PMS2: variants seen among roughly 807,000 people sequenced by gnomAD.
PMS2 encodes mismatch repair endonuclease PMS2.
Under a neutral mutation model 90.0 loss-of-function variants are expected in PMS2, and 69 were observed. The observed-to-expected ratio is 0.77, with a 90% CI of 0.63 to 0.94. The LOEUF is 0.94. Ranked by LOEUF, PMS2 falls within the 40% of genes least tolerant of loss-of-function variation. The pLI, the probability that PMS2 is intolerant of heterozygous loss-of-function variation, is 0.00. For missense variants in PMS2, 966 were observed against 1,040.2 expected (o/e 0.93, Z 0.98); for synonymous variants, 332 against 375.1 (o/e 0.89, Z 1.33).
rs1448706115 is a variant in PMS2 at position 5,995,648 on chromosome 7, T to C, written c.804-15A>G. 1.4e-5 allele frequency: 22 copies of C among 1,540,946 alleles called. No homozygotes were observed. The highest frequency in any genetic ancestry group is 1.9e-5 in the Non-Finnish European group (21 of 1,113,166). On this transcript the variant is annotated splice_polypyrimidine_tract_variant and intron_variant, in intron 7 of 14. Coordinates refer to ENST00000265849, the MANE Select transcript of PMS2 (RefSeq NM_000535.7). ...AACCTGAGATGCTATTCAACATTAA[T>C]ATGGTAAGGGCAGGATTCCAGAGTG...
chr7:6,008,587 CA>C (rs912531856), intron 1 of PMS2, among the ~76,000 whole-genome samples: 5 of 148,716 alleles, frequency 3.4e-5, no homozygotes, highest in Non-Finnish European at 6.0e-5. Context: ...CCCGTCTCTA[CA>C]AAAAAAAATT....
At position 5,994,521 on chromosome 7, in the gene PMS2, T is replaced by C. The variant is rs541189522; in HGVS notation, c.903+1013A>G. ...GGGCGCGGTGGCTCACACCTGTAAT[T>C]CCAGCACTTTGGGAGGCCGAGGTGG... On this transcript the variant is annotated intron_variant, in intron 8 of 14. Transcript: ENST00000265849. 1.3e-4 allele frequency among the ~76,000 whole-genome samples: 20 copies of C among 151,710 alleles called. No homozygotes were observed. The East Asian group carries it at 2.5e-3, about 19-fold the overall frequency.
rs1057523374 is a variant in PMS2 at position 6,002,462 on chromosome 7, A to G, written c.528T>C (p.Asn176=). ...LPVRHKEFQR[N]IKKEYAKMVQ... ...GATTAATTTACTGTACCTTCTTAAT[A>G]TTCCTTTGAAATTCCTTATGGCGCA... Residue 176 remains asparagine, a synonymous_variant, in exon 5 of 15, where the codon AAT becomes AAC. Transcript: ENST00000265849. The G allele has an allele frequency of 2.5e-6, 4 of 1,606,718 alleles. No homozygotes were observed. Among genetic ancestry groups the G allele is most frequent in the South Asian group, 1.1e-5 (1 of 90,908 alleles).
rs554108166 is a variant in PMS2 at position 5,993,981 on chromosome 7, A to G, written c.903+1553T>C. Among the ~76,000 whole-genome samples, 13 of 152,170 alleles carry G rather than the reference A, an allele frequency of 8.5e-5. No homozygotes were observed. The South Asian group carries it at 2.7e-3, about 32-fold the overall frequency. Reference sequence around the variant, plus strand: ...TCTTCAAATAGTTTTAGTTTTTACAATAATAAATATACTGGTAATATGTGT... The same window carrying G: ...TCTTCAAATAGTTTTAGTTTTTACAGTAATAAATATACTGGTAATATGTGT... On this transcript the variant is annotated intron_variant, in intron 8 of 14. Coordinates refer to ENST00000265849, the MANE Select transcript of PMS2 (RefSeq NM_000535.7).
intron 10 of PMS2, among the ~76,000 whole-genome samples, chr7:5,988,052 CAAAAAAA>C (rs10543125): frequency 4.9e-5 from 2 of 41,124 alleles, no homozygotes; most frequent in Non-Finnish European, 8.5e-5. Flanking sequence ...CACTCTGTCT[CAAAAAAA>C]AAAAAAAAAA....
intron 9 of PMS2, among the ~76,000 whole-genome samples, 194 bp from the exon 10 acceptor site, chr7:5,990,149 C>T (rs905640395): frequency 1.3e-5 from 2 of 152,200 alleles, no homozygotes; most frequent in African/African-American, 4.8e-5. Context: ...GCTAGGATTA[C>T]AGGCAAGTGC....
intron 7 of PMS2, among the ~76,000 whole-genome samples, chr7:5,996,756 A>C (rs751379213): frequency 6.6e-6 from 1 of 152,014 alleles, no homozygotes; most frequent in African/African-American, 2.4e-5. Flanking sequence ...ATAATTTACA[A>C]GTTAGTCTAA....
intron 12 of PMS2, among the ~76,000 whole-genome samples, chr7:5,980,943 T>C (rs1471138980): frequency 2.3e-4 from 35 of 150,024 alleles, no homozygotes; most frequent in African/African-American, 5.2e-4. Flanking sequence ...GAGTACTCAG[T>C]AAACTACACA....
chr7:5,989,961 G>A lies in PMS2; in HGVS notation c.989-6C>T, dbSNP rs1554298834. On this transcript the variant is annotated splice_polypyrimidine_tract_variant and splice_region_variant and intron_variant, in intron 9 of 14. Transcript: ENST00000265849. ...AACATTGATATCAACGCATTCTAAG[G>A]CAAAAAAGAAAACATATTTATTATG... The A allele has an allele frequency of 6.4e-7, 1 of 1,564,380 alleles. No individual in the cohort carries two copies. The highest frequency in any genetic ancestry group is 8.8e-7 in the Non-Finnish European group (1 of 1,141,328).
chr7:5,997,507 T>C (rs1276024016), intron 6 of PMS2, 84 bp from the exon 7 acceptor site: 2 of 826,016 alleles, frequency 2.4e-6, no homozygotes, highest in African/African-American at 1.7e-5. Flanking sequence ...AGTCAAGCTA[T>C]TGACATTACA....
At chr7:5,988,437 A>C (rs1006128845) in intron 10 of PMS2, among the ~76,000 whole-genome samples, 11 of 152,120 alleles carry the variant, frequency 7.2e-5, no homozygotes, top group Admixed American at 6.6e-5. Flanking sequence ...ATGCACTTAT[A>C]ATCCCAGCTA....
At position 5,978,830 on chromosome 7, in the gene PMS2, A is replaced by G. The variant is rs1046164719; in HGVS notation, c.2175-134T>C. On this transcript the variant is annotated intron_variant, in intron 12 of 14. Coordinates refer to ENST00000265849, the MANE Select transcript of PMS2 (RefSeq NM_000535.7). ...AACAACACAAATAACAACACTACTC[A>G]GCTAAGTGTCACAAAACTTCCTGAG... The G allele has an allele frequency of 3.4e-5, 39 of 1,137,438 alleles. 4 individuals carry two copies. In the African/African-American group the frequency reaches 5.7e-4, roughly 17 times the overall value. 70.5% of individuals were successfully genotyped at this position (1,137,438 alleles called of 1,614,324 possible). A position where few individuals can be genotyped will look rare whatever the true frequency, so the allele number is the denominator to read the frequency against.
chr7:5,997,692 G>A (rs747822137), intron 6 of PMS2, among the ~76,000 whole-genome samples: 3 of 152,040 alleles, frequency 2.0e-5, no homozygotes, highest in Non-Finnish European at 4.4e-5. Flanking sequence ...GGGACTACAG[G>A]TGCACACCAC....
At chr7:5,994,725 G>A (rs1402803271) in intron 8 of PMS2, among the ~76,000 whole-genome samples, 2 of 151,312 alleles carry the variant, frequency 1.3e-5, no homozygotes, top group East Asian at 2.0e-4. Context: ...GCAGTGAGCC[G>A]AGACCACGCC....
chr7:5,999,376 C>A (rs1274733472), intron 5 of PMS2, 101 bp from the exon 6 acceptor site: 5 of 1,041,230 alleles, frequency 4.8e-6, no homozygotes, highest in Non-Finnish European at 7.5e-6. Context: ...CACATCATCG[C>A]ACAAATCAAG....
chr7:5,988,902 C>G (rs1783394863), intron 10 of PMS2, among the ~76,000 whole-genome samples: 1 of 152,150 alleles, frequency 6.6e-6, no homozygotes, highest in Non-Finnish European at 1.5e-5. Flanking sequence ...GTCACCCAGG[C>G]TGGAGTGCAG....
At chr7:6,000,859 C>G (rs770042387) in intron 5 of PMS2, among the ~76,000 whole-genome samples, 2 of 151,926 alleles carry the variant, frequency 1.3e-5, no homozygotes, top group Non-Finnish European at 2.9e-5. Context: ...GGCGTGGTGG[C>G]GCACACCTAT....
At chr7:5,984,497 G>C (rs1181766702) in intron 11 of PMS2, among the ~76,000 whole-genome samples, 1 of 151,786 alleles carries the variant, frequency 6.6e-6, no homozygotes, top group Non-Finnish European at 1.5e-5. Context: ...TCACCTGGTG[G>C]CCTGAGCTGA....
rs2128733787 is a variant in PMS2 at position 5,987,457 on chromosome 7, G to A, written c.1308C>T (p.Ser436=). 1 of 1,614,030 alleles carries A rather than the reference G, an allele frequency of 6.2e-7. No individual in the cohort carries two copies. The highest frequency in any genetic ancestry group is 2.2e-5 in the East Asian group (1 of 44,882). Residue 436 remains serine, a synonymous_variant, in exon 11 of 15, where the codon AGC becomes AGT. Transcript: ENST00000265849. The part of the protein sequence containing the change: ...LRHTTENKPH[S]PKTPEPRRSP... ...TCCTTCTTGGTTCTGGAGTCTTTGGGCTGTGAGGCTTGTTCTCTGTTGTGT... is the reference window on the plus strand; with the variant it reads ...TCCTTCTTGGTTCTGGAGTCTTTGGACTGTGAGGCTTGTTCTCTGTTGTGT...
Sources: allele counts gnomAD v4.1 joint callset (sites outside exome capture counted in the v4.1 genomes callset), GRCh38; gene constraint gnomAD v4.1.1; transcripts MANE v1.5; gene names NCBI Gene and HGNC (gene_info 2026-07-23, HGNC 2026-07-21).